TDRP: variants seen among roughly 807,000 people sequenced by gnomAD.
The protein encoded by TDRP is testis development-related protein.
Under a neutral mutation model 10.5 loss-of-function variants are expected in TDRP, and 12 were observed. The observed-to-expected ratio is 1.15, with a 90% CI of 0.73 to 1.86. TDRP has a LOEUF of 1.86. TDRP is among the 40% of genes most tolerant of loss of function. The pLI, the probability that TDRP is intolerant of heterozygous loss-of-function variation, is 0.00. For synonymous variants in TDRP, 139 were observed against 95.4 expected (o/e 1.46, Z -2.67); for missense variants, 353 against 229.2 (o/e 1.54, Z -3.49).
At chr8:517,559 A>C (rs1229265834) in intron 1 of TDRP, among the ~76,000 whole-genome samples, 1 of 152,208 alleles carries the variant, frequency 6.6e-6, no homozygotes, top group Non-Finnish European at 1.5e-5. Flanking sequence ...ACCAGCTGCC[A>C]ATCAGGAAAT....
chr8:523,431 T>C (rs1032722113), intron 1 of TDRP, among the ~76,000 whole-genome samples: 2 of 152,088 alleles, frequency 1.3e-5, no homozygotes, highest in Non-Finnish European at 2.9e-5. Context: ...ATCACCTTTA[T>C]AAGAACTAAA....
intron 1 of TDRP, among the ~76,000 whole-genome samples, chr8:525,638 G>T (rs535559971): frequency 1.3e-5 from 2 of 152,020 alleles, no homozygotes; most frequent in African/African-American, 2.4e-5. Context: ...ACAATAATGG[G>T]TTATATTATT....
chr8:529,199 G>A (rs927374700), intron 1 of TDRP, among the ~76,000 whole-genome samples: 1 of 152,018 alleles, frequency 6.6e-6, no homozygotes, highest in African/African-American at 2.4e-5. Context: ...ACATACCCCA[G>A]GATCAATACT....
intron 1 of TDRP, among the ~76,000 whole-genome samples, chr8:527,386 A>C (rs989789023): frequency 6.6e-6 from 1 of 152,132 alleles, no homozygotes; most frequent in Non-Finnish European, 1.5e-5. Flanking sequence ...TACCAATGAC[A>C]TTCTTCACAG....
At chr8:494,126 T>A (rs926606959) in intron 2 of TDRP, among the ~76,000 whole-genome samples, 1 of 137,032 alleles carries the variant, frequency 7.3e-6, no homozygotes, top group Non-Finnish European at 1.7e-5. Context: ...CCAGCTAATT[T>A]CTGATTTTTT....
At chr8:540,476 T>A (rs142929579) in intron 1 of TDRP, among the ~76,000 whole-genome samples, 27 of 152,312 alleles carry the variant, frequency 1.8e-4, no homozygotes, top group South Asian at 8.3e-4. Flanking sequence ...TTGAAGAAGT[T>A]AAGACCTGAC....
intron 1 of TDRP, among the ~76,000 whole-genome samples, chr8:514,318 T>G (rs1440122605): frequency 1.3e-5 from 2 of 152,168 alleles, no homozygotes; most frequent in Admixed American, 1.3e-4. Context: ...TAAGGTCAAT[T>G]GATTTTCAAG....
At position 529,638 on chromosome 8, in the gene TDRP, A is replaced by G. The variant is rs146012714; in HGVS notation, c.108+15012T>C. On this transcript the variant is annotated intron_variant, in intron 1 of 2. Transcript: ENST00000324079. ...GAAAGATGGTTTTGCCAGCTACAGT[A>G]TTCTTGGCTGGCTGGGTGTATTTTT... Among the ~76,000 whole-genome samples the G allele has an allele frequency of 8.4e-4, 128 of 152,238 alleles. 1 individual carries two copies. The highest frequency in any genetic ancestry group is 6.8e-3 in the Middle Eastern group (2 of 294).
At chr8:534,835 C>T (rs1350287723) in intron 1 of TDRP, among the ~76,000 whole-genome samples, 3 of 152,148 alleles carry the variant, frequency 2.0e-5, no homozygotes, top group African/African-American at 7.2e-5. Context: ...ACTGTAACTA[C>T]TTTTTGGGCT....
At chr8:505,558 C>T (rs1801437541) in intron 1 of TDRP, among the ~76,000 whole-genome samples, 1 of 152,184 alleles carries the variant, frequency 6.6e-6, no homozygotes, top group African/African-American at 2.4e-5. Context: ...TAACCCATGG[C>T]CAGGAGCCAA....
chr8:542,525 A>T (rs1426279296), intron 1 of TDRP, among the ~76,000 whole-genome samples: 1 of 151,978 alleles, frequency 6.6e-6, no homozygotes, highest in Non-Finnish European at 1.5e-5. Flanking sequence ...TGAAAAATAG[A>T]GTCTATTAAA....
intron 1 of TDRP, among the ~76,000 whole-genome samples, chr8:528,880 G>A (rs923533450): frequency 2.0e-5 from 3 of 151,882 alleles, no homozygotes; most frequent in African/African-American, 4.8e-5. Flanking sequence ...AATTTATTAA[G>A]TAGTATTAAC....
intron 1 of TDRP, among the ~76,000 whole-genome samples, chr8:529,027 G>C (rs1204147449): frequency 1.3e-5 from 2 of 152,114 alleles, no homozygotes; most frequent in Admixed American, 1.3e-4. Flanking sequence ...AAAGATATAG[G>C]CTGGGAGGCT....
chr8:512,748 G>T (rs1051921400), intron 1 of TDRP, among the ~76,000 whole-genome samples: 17 of 152,154 alleles, frequency 1.1e-4, no homozygotes, highest in Non-Finnish European at 1.5e-5. Flanking sequence ...GCAAAGGTGG[G>T]CAGATCACCT....
intron 1 of TDRP, among the ~76,000 whole-genome samples, chr8:540,863 C>T (rs1334813465): frequency 6.9e-6 from 1 of 145,756 alleles, no homozygotes; most frequent in Non-Finnish European, 1.5e-5. Context: ...GGCAACAGGA[C>T]GGATATGATT....
At chr8:523,076 T>C (rs1263518254) in intron 1 of TDRP, among the ~76,000 whole-genome samples, 2 of 152,192 alleles carry the variant, frequency 1.3e-5, no homozygotes, top group African/African-American at 4.8e-5. Context: ...GTTCTTTAAG[T>C]CTTGTAGTAA....
intron 1 of TDRP, among the ~76,000 whole-genome samples, chr8:511,181 A>C (rs1801607667): frequency 6.6e-6 from 1 of 152,184 alleles, no homozygotes; most frequent in Non-Finnish European, 1.5e-5. Flanking sequence ...AGCAAAGGCA[A>C]ATACTGTCAC....
chr8:518,158 C>G (rs906175412), intron 1 of TDRP, among the ~76,000 whole-genome samples: 1 of 152,126 alleles, frequency 6.6e-6, no homozygotes, highest in Non-Finnish European at 1.5e-5. Context: ...TCAATTTTAA[C>G]AAAGGCACCG....
At chr8:541,090 TTA>T (rs930622738) in intron 1 of TDRP, among the ~76,000 whole-genome samples, 2 of 152,240 alleles carry the variant, frequency 1.3e-5, no homozygotes, top group Non-Finnish European at 2.9e-5. Context: ...GGCAGAAGTT[TTA>T]TGACTCTTCA....
Sources: allele counts gnomAD v4.1 joint callset (sites outside exome capture counted in the v4.1 genomes callset), GRCh38; gene constraint gnomAD v4.1.1; transcripts MANE v1.5; gene names NCBI Gene and HGNC (gene_info 2026-07-23, HGNC 2026-07-21).